The following SYTL2 variants were observed in gnomAD, a reference collection of about 807,000 sequenced individuals.
SYTL2 encodes synaptotagmin-like protein 2.
A neutral mutation model predicts 198.7 loss-of-function variants in SYTL2; 165 were observed. The observed-to-expected ratio is 0.83, with a 90% CI of 0.73 to 0.94. SYTL2 has a LOEUF of 0.94. SYTL2 is among the 40% of genes least tolerant of loss of function. SYTL2 has a pLI of 0.00. For synonymous variants in SYTL2, 966 were observed against 917.7 expected (o/e 1.05, Z -0.95); for missense variants, 2,835 against 2,582.8 (o/e 1.10, Z -2.12).
In SYTL2 at chr11:85,725,565, C is replaced by G. The variant is rs753514066; in HGVS notation, c.3793G>C (p.Glu1265Gln). Residue 1265 changes from glutamate to glutamine, a missense_variant, in exon 8 of 20, where the codon GAA becomes CAA. By Grantham distance (29) the Glu-to-Gln change is conservative (BLOSUM62 2). This residue lies in a region of SYTL2 where 2,645 missense variants were observed against 2,381.7 expected (regional missense o/e 1.11). Coordinates refer to ENST00000359152, the MANE Select transcript of SYTL2 (RefSeq NM_206927.4). Reference sequence around the variant, plus strand: ...CTCACTGGAAAAGGAGCTAGTATTTCTCTCTTATCAGCTGAAGTATTGTGA... The same window carrying G: ...CTCACTGGAAAAGGAGCTAGTATTTGTCTCTTATCAGCTGAAGTATTGTGA... ...QSHNTSADKR[E>Q]ILAPFPVRDE... is the part of the protein sequence containing the mutation. 2 of 1,614,080 alleles carry G rather than the reference C, an allele frequency of 1.2e-6. No homozygotes were observed. Among genetic ancestry groups the G allele is most frequent in the South Asian group, 2.2e-5 (2 of 91,076 alleles).
At position 85,786,053 on chromosome 11, in the gene SYTL2, G is replaced by A. The variant is rs917696853; in HGVS notation, c.-390+24901C>T. 5.9e-5 allele frequency among the ~76,000 whole-genome samples: 9 copies of A among 152,132 alleles called. No individual in the cohort carries two copies. The South Asian group carries it at 8.3e-4, about 14-fold the overall frequency. On this transcript the variant is annotated intron_variant, in intron 1 of 19. Transcript: ENST00000359152. Reference sequence around the variant, plus strand: ...AAACAAACTCTGGTACATCCATACCGTGGGATACTACTAAGCAACAAAAAG... The same window carrying A: ...AAACAAACTCTGGTACATCCATACCATGGGATACTACTAAGCAACAAAAAG...
In SYTL2 at chr11:85,807,111, C is replaced by T. The variant is rs78706727; in HGVS notation, c.-390+3843G>A. 1.7e-3 allele frequency among the ~76,000 whole-genome samples: 261 copies of T among 152,340 alleles called. 4 individuals are homozygous for T. Among genetic ancestry groups the T allele is most frequent in the African/African-American group, 6.1e-3 (254 of 41,592 alleles). ...AGCCTCTGCCTTGCTTAGGGCAAGT[C>T]AAGACAGCTCCCAGGAGCTCTGAGA... On this transcript the variant is annotated intron_variant, in intron 1 of 19. Coordinates refer to ENST00000359152, the MANE Select transcript of SYTL2 (RefSeq NM_206927.4).
At chr11:85,811,523 G>A (rs1483754626), upstream of SYTL2, among the ~76,000 whole-genome samples, 4 of 152,282 alleles carry the variant, frequency 2.6e-5, no homozygotes, top group East Asian at 7.7e-4. Flanking sequence ...TCCGAGAAGG[G>A]ACAGCCACCG....
In SYTL2 at chr11:85,724,167, T is replaced by TTGAATTG. The variant is rs2088775099; in HGVS notation, c.5190_5191insCAATTCA (p.Thr1731GlnfsTer5). ...GCTAGAGTCAATTCAACTTTACTTG[T>TTGAATTG]TTTTGTAGAGTTTTCTTTGTTCATC... is the stretch of plus-strand genomic sequence containing the variant. On this transcript the variant is annotated frameshift_variant, in exon 8 of 20. Transcript: ENST00000359152. LOFTEE classifies it high-confidence loss of function. 6.2e-7 allele frequency: 1 copy of TTGAATTG among 1,605,366 alleles called. No homozygotes were observed. The highest frequency in any genetic ancestry group is 1.3e-5 in the African/African-American group (1 of 74,260).
At chr11:85,733,438 A>C (rs1262357731) in intron 7 of SYTL2, among the ~76,000 whole-genome samples, 1 of 152,116 alleles carries the variant, frequency 6.6e-6, no homozygotes, top group Non-Finnish European at 1.5e-5. Flanking sequence ...ACTTTTAGTT[A>C]TTGGTGATTG....
chr11:85,769,023 G>GA (rs111263208), intron 1 of SYTL2, among the ~76,000 whole-genome samples: 49 of 149,676 alleles, frequency 3.3e-4, no homozygotes, highest in Non-Finnish European at 5.8e-4. Flanking sequence ...TGAAGAAGAG[G>GA]AAAAAAAAGA....
chr11:85,743,772 G>A (rs1328140422), intron 4 of SYTL2, among the ~76,000 whole-genome samples: 1 of 152,196 alleles, frequency 6.6e-6, no homozygotes, highest in South Asian at 2.1e-4. Flanking sequence ...CAGGCCCACT[G>A]AGATAGAATA....
chr11:85,696,006 C>G (rs574076522), intron 19 of SYTL2, among the ~76,000 whole-genome samples, 177 bp downstream of exon 19: 1 of 152,332 alleles, frequency 6.6e-6, no homozygotes, highest in African/African-American at 2.4e-5. Context: ...ATCCTCATAT[C>G]TGGAGCCCTT....
At chr11:85,751,578 C>A (rs1254875370) in intron 2 of SYTL2, among the ~76,000 whole-genome samples, 1 of 152,180 alleles carries the variant, frequency 6.6e-6, no homozygotes, top group Admixed American at 6.5e-5. Context: ...CACCGGTGGG[C>A]TGGTGGGCAG....
In SYTL2 at chr11:85,733,991, A is replaced by C. The variant is rs775743234; in HGVS notation, c.1338T>G (p.Asp446Glu). 6.2e-7 allele frequency: 1 copy of C among 1,614,054 alleles called. No individual in the cohort carries two copies. Among genetic ancestry groups the C allele is most frequent in the Non-Finnish European group, 8.5e-7 (1 of 1,180,002 alleles). Residue 446 changes from aspartate (D) to glutamate (E), a missense_variant, in exon 7 of 20, where the codon GAT (aspartate) becomes GAG (glutamate). This residue lies in a region of SYTL2 where 2,645 missense variants were observed against 2,381.7 expected (regional missense o/e 1.11). Transcript: ENST00000359152. ...ENSPTINEPKDKSSELTRLES... is the reference protein window; with the variant it reads ...ENSPTINEPKEKSSELTRLES... Reference sequence around the variant, plus strand: ...CAAGCCTTGTTAATTCTGATGATTTATCTTTGGGTTCATTGATGGTTGGTG... The same window carrying C: ...CAAGCCTTGTTAATTCTGATGATTTCTCTTTGGGTTCATTGATGGTTGGTG...
chr11:85,854,561 C>G, the SYTL2 span: 1 of 152,102 alleles, frequency 6.6e-6, no homozygotes, highest in South Asian at 2.1e-4. Flanking sequence ...GGAAGTTGCC[C>G]TGTAAGCATT....
chr11:85,787,249 G>C (rs571073024), intron 1 of SYTL2, among the ~76,000 whole-genome samples: 1 of 152,138 alleles, frequency 6.6e-6, no homozygotes, highest in East Asian at 1.9e-4. Flanking sequence ...ATTTATTTCT[G>C]CAAGGCTGCT....
In SYTL2 at chr11:85,724,665, C is replaced by G. The variant is rs746320537; in HGVS notation, c.4693G>C (p.Asp1565His). 6.2e-7 allele frequency: 1 copy of G among 1,613,946 alleles called. No individual in the cohort carries two copies. Among genetic ancestry groups the G allele is most frequent in the Non-Finnish European group, 8.5e-7 (1 of 1,179,964 alleles). ...TTAAGAAGTTTCTCAAAACCAGCAT[C>G]AAAAGCACTCTCAGTTATTAACGGA... ...EAPLITESAF[D>H]AGFEKLLKEI... The change falls in exon 8 of 20, where the codon GAT becomes CAT. Residue 1565 changes from aspartate to histidine, a missense_variant. Asp to His is a moderately conservative substitution (Grantham distance 81). Coordinates refer to ENST00000359152, the MANE Select transcript of SYTL2 (RefSeq NM_206927.4).
At chr11:85,745,880 C>A in intron 3 of SYTL2, 108 bp from the exon 4 acceptor site, 2 of 1,159,240 alleles carry the variant, frequency 1.7e-6, no homozygotes, top group East Asian at 2.4e-5. Context: ...CTCAGGCCTT[C>A]CCAGTGCCAA....
chr11:85,737,221 C>G (rs2090417475), intron 5 of SYTL2, among the ~76,000 whole-genome samples: 1 of 152,158 alleles, frequency 6.6e-6, no homozygotes, highest in South Asian at 2.1e-4. Context: ...AAGCAGATCT[C>G]TAACAGAGAT....
At chr11:85,805,341 C>CA (rs1238607471) in intron 1 of SYTL2, among the ~76,000 whole-genome samples, 1 of 146,030 alleles carries the variant, frequency 6.8e-6, no homozygotes, top group Admixed American at 6.8e-5. Flanking sequence ...AAAAAAAAAA[C>CA]AAAAAAACTG....
chr11:85,710,028 G>A (rs1368885798), intron 13 of SYTL2, among the ~76,000 whole-genome samples: 1 of 152,206 alleles, frequency 6.6e-6, no homozygotes, highest in Non-Finnish European at 1.5e-5. Context: ...TAGATGAAAA[G>A]TGAAATGCAA....
At chr11:85,700,387 C>A in intron 17 of SYTL2, 128 bp downstream of exon 17, 1 of 616,190 alleles carries the variant, frequency 1.6e-6, no homozygotes, top group Non-Finnish European at 2.9e-6. Context: ...TGAATAGACT[C>A]ATTTGGTCTA....
In SYTL2 at chr11:85,791,071, G is replaced by A. The variant is rs1020873867; in HGVS notation, c.-390+19883C>T. ...AATCCCGGCTACTTGGGAGGCGGAG[G>A]CAGGAAAATTGCTTGAACCCCAGAG... is the stretch of plus-strand genomic sequence containing the variant. On this transcript the variant is annotated intron_variant, in intron 1 of 19. Transcript: ENST00000359152. 3.5e-5 allele frequency among the ~76,000 whole-genome samples: 5 copies of A among 142,338 alleles called. No individual in the cohort carries two copies. In the Admixed American group the frequency reaches 3.9e-4, roughly 11 times the overall value. 93.4% of individuals were successfully genotyped at this position (142,338 alleles called of 152,430 possible).
Sources: gnomAD v4.1 joint callset for allele counts (sites outside exome capture counted in the v4.1 genomes callset) on GRCh38, gnomAD v4.1.1 for gene constraint, gnomAD v4.1.1 regional missense constraint, MANE v1.5 for transcripts, NCBI Gene and HGNC (gene_info 2026-07-23, HGNC 2026-07-21) for gene names.